The following DNAH17 variants were observed in gnomAD, a reference collection of about 807,000 sequenced individuals.
The protein encoded by DNAH17 is axonemal beta dynein heavy chain 17.
DNAH17 carries 376 observed loss-of-function variants against 485.6 expected under a neutral mutation model. The ratio of observed to expected loss-of-function variants is 0.77; its 90% CI spans 0.71 to 0.84. DNAH17 has a LOEUF of 0.84. DNAH17 is among the 40% of genes least tolerant of loss of function. The pLI is 0.00. For missense variants in DNAH17, 6,370 were observed against 5,839.3 expected (o/e 1.09, Z -2.96); for synonymous variants, 3,031 against 2,405.9 (o/e 1.26, Z -7.60).
At chr17:78,447,974 C>G (rs2087382038) in intron 69 of DNAH17, among the ~76,000 whole-genome samples, 1 of 152,042 alleles carries the variant, frequency 6.6e-6, no homozygotes, top group Non-Finnish European at 1.5e-5. Context: ...GAGTTCGAGA[C>G]CAGCCTGACC....
intron 44 of DNAH17, among the ~76,000 whole-genome samples, chr17:78,489,841 G>A (rs1044757893): frequency 2.6e-5 from 4 of 151,056 alleles, no homozygotes; most frequent in African/African-American, 7.3e-5. Context: ...GTGAATGGAT[G>A]GGTGAGTGGG....
chr17:78,500,057 G>C (rs554071496), intron 36 of DNAH17: 1 of 458,440 alleles, frequency 2.2e-6, no homozygotes, highest in Non-Finnish European at 3.9e-6. Flanking sequence ...ATTGAGAGAG[G>C]GTCACCTCCA....
In DNAH17 at chr17:78,525,982, G is replaced by A. The variant is rs865876698; in HGVS notation, c.3711+669C>T. ...GCCTGTGAGGCGGAGGTGCAGGTGGGGCCGACCCAGCAGTACCTGGGCACC... is the reference window on the plus strand; with the variant it reads ...GCCTGTGAGGCGGAGGTGCAGGTGGAGCCGACCCAGCAGTACCTGGGCACC... On this transcript the variant is annotated intron_variant, in intron 24 of 80. Coordinates refer to ENST00000389840, the MANE Select transcript of DNAH17 (RefSeq NM_173628.4). 5.3e-5 allele frequency among the ~76,000 whole-genome samples: 8 copies of A among 152,364 alleles called. No homozygotes were observed. The South Asian group carries it at 6.2e-4, about 12-fold the overall frequency.
At chr17:78,560,993 G>T in intron 12 of DNAH17, 58 bp from the exon 13 acceptor site, 1 of 1,484,490 alleles carries the variant, frequency 6.7e-7, no homozygotes, top group Non-Finnish European at 9.1e-7. Flanking sequence ...GGTGTCTTCG[G>T]CACGTCCCAT....
intron 69 of DNAH17, among the ~76,000 whole-genome samples, chr17:78,446,428 G>C (rs955197895): frequency 6.6e-6 from 1 of 151,980 alleles, no homozygotes; most frequent in South Asian, 2.1e-4. Context: ...GACATGCCCC[G>C]TTTGCATCTG....
rs767502246 is a variant in DNAH17, at chr17:78,526,752, T to C, written c.3625-15A>G. On this transcript the variant is annotated splice_polypyrimidine_tract_variant and intron_variant, in intron 23 of 80. Transcript: ENST00000389840. ...TGTTGCTTGAGCTGCGAGAGAAGAG[T>C]GCAAAGTACAGAGAGTCACGGGGCG... 6.3e-7 allele frequency: 1 copy of C among 1,598,752 alleles called. No homozygotes were observed. Among genetic ancestry groups the C allele is most frequent in the Non-Finnish European group, 8.6e-7 (1 of 1,169,540 alleles).
chr17:78,492,676 C>G lies in DNAH17; in HGVS notation c.6498G>C (p.Glu2166Asp). Reference protein sequence around the residue: ...DLDPKAVTCDELFGIINPVTR... With the variant: ...DLDPKAVTCDDLFGIINPVTR... Reference sequence around the variant, plus strand: ...TCACTGGGTTGATGATGCCAAAGAGCTCGTCGCAGGTGACGGCCTTGGGGT... The same window carrying G: ...TCACTGGGTTGATGATGCCAAAGAGGTCGTCGCAGGTGACGGCCTTGGGGT... The change falls in exon 42 of 81, where the codon GAG (glutamate) becomes GAC (aspartate). Residue 2166 changes from glutamate (E) to aspartate (D), a missense_variant. Glu to Asp is a conservative substitution (Grantham distance 45, BLOSUM62 2). Transcript: ENST00000389840. 1 of 1,613,668 alleles carries G rather than the reference C, an allele frequency of 6.2e-7. No individual in the cohort carries two copies. Among genetic ancestry groups the G allele is most frequent in the Non-Finnish European group, 8.5e-7 (1 of 1,179,798 alleles).
chr17:78,526,797 G>GC, intron 23 of DNAH17, 60 bp from the exon 24 acceptor site: 2 of 1,562,166 alleles, frequency 1.3e-6, no homozygotes, highest in Non-Finnish European at 1.7e-6. Flanking sequence ...CCCAAGGGTG[G>GC]CCCCACCCTG....
At chr17:78,474,041 A>G (rs1285809631) in intron 54 of DNAH17, among the ~76,000 whole-genome samples, 1 of 152,218 alleles carries the variant, frequency 6.6e-6, no homozygotes, top group Non-Finnish European at 1.5e-5. Flanking sequence ...GAAGGCAGAG[A>G]ACAGCCAGCC....
chr17:78,454,431 A>C (rs1298343096), intron 64 of DNAH17, 39 bp downstream of exon 64: 1 of 1,547,326 alleles, frequency 6.5e-7, no homozygotes, highest in Admixed American at 1.8e-5. Flanking sequence ...GCTTCCAAGC[A>C]GAGCCGGGCT....
At position 78,558,177 on chromosome 17, in the gene DNAH17, C is replaced by T. The variant is rs1449645279; in HGVS notation, c.2109G>A (p.Leu703=). The T allele has an allele frequency of 1.2e-6, 2 of 1,613,790 alleles. No individual in the cohort carries two copies. Among genetic ancestry groups the T allele is most frequent in the Admixed American group, 3.3e-5 (2 of 60,002 alleles). Residue 703 remains leucine, a synonymous_variant, in exon 14 of 81, where the codon CTG becomes CTA. Coordinates refer to ENST00000389840, the MANE Select transcript of DNAH17 (RefSeq NM_173628.4). ...TCCGGAAAGTTTCGTTCTCTGAGAA[C>T]AGACTCTCCGCACTGTCTGGAATCT... ...QKEIPDSAES[L]FSENETFRKF...
chr17:78,555,038 C>T lies in DNAH17; in HGVS notation c.2179-2233G>A, dbSNP rs544607105. Reference sequence around the variant, plus strand: ...CTGAGATTACAGGCATGAGCCACTGCGCCCAGCCCATTTTAGTGCTTTAAA... The same window carrying T: ...CTGAGATTACAGGCATGAGCCACTGTGCCCAGCCCATTTTAGTGCTTTAAA... On this transcript the variant is annotated intron_variant, in intron 14 of 80. Transcript: ENST00000389840. Among the ~76,000 whole-genome samples, 9 of 152,314 alleles carry T rather than the reference C, an allele frequency of 5.9e-5. 1 individual carries two copies. In the South Asian group the frequency reaches 8.3e-4, roughly 14 times the overall value.
intron 42 of DNAH17, among the ~76,000 whole-genome samples, chr17:78,492,095 G>A (rs2089884786): frequency 6.6e-6 from 1 of 152,066 alleles, no homozygotes; most frequent in African/African-American, 2.4e-5. Context: ...TAGGGTGCGG[G>A]GGACAGGCTA....
intron 56 of DNAH17, among the ~76,000 whole-genome samples, chr17:78,463,300 G>C (rs1346609095): frequency 6.6e-6 from 1 of 152,196 alleles, no homozygotes; most frequent in Admixed American, 6.5e-5. Flanking sequence ...ACACAGCAGA[G>C]CTTATTATCA....
At chr17:78,477,274 A>G (rs1161242067) in intron 51 of DNAH17, among the ~76,000 whole-genome samples, 2 of 152,298 alleles carry the variant, frequency 1.3e-5, no homozygotes, top group East Asian at 3.9e-4. Flanking sequence ...ATTGCACACT[A>G]TGGTGTATGC....
In DNAH17 at chr17:78,463,075, C is replaced by A. The variant is rs2088221356; in HGVS notation, c.8943G>T (p.Trp2981Cys). The change falls in exon 57 of 81, where the codon TGG (tryptophan) becomes TGT (cysteine). Residue 2981 changes from tryptophan (W) to cysteine (C), a missense_variant and splice_region_variant. By Grantham distance (215) the Trp-to-Cys change is radical. Coordinates refer to ENST00000389840, the MANE Select transcript of DNAH17 (RefSeq NM_173628.4). ...RFLEETEGIPWEVKASISFFM... is the reference protein window; with the variant it reads ...RFLEETEGIPCEVKASISFFM... Reference sequence around the variant, plus strand: ...AGAAGCTGATGGAGGCCTTGACTTCCCACTACAAAGATGAGACAGCCAGTC... The same window carrying A: ...AGAAGCTGATGGAGGCCTTGACTTCACACTACAAAGATGAGACAGCCAGTC... 6.2e-7 allele frequency: 1 copy of A among 1,613,610 alleles called. No individual in the cohort carries two copies. Among genetic ancestry groups the A allele is most frequent in the Non-Finnish European group, 8.5e-7 (1 of 1,179,682 alleles).
rs1272826683 is a variant in DNAH17, at chr17:78,502,016, C to T, written c.5191-143G>A. The T allele has an allele frequency of 3.3e-6, 4 of 1,207,146 alleles. No individual in the cohort carries two copies. In the South Asian group the frequency reaches 5.8e-5, roughly 17 times the overall value. 74.8% of individuals were successfully genotyped at this position (1,207,146 alleles called of 1,614,324 possible). A position where few individuals can be genotyped will look rare whatever the true frequency, so the allele number is the denominator to read the frequency against. ...GAAAAACAAGAGCGCCCTCGGTAGG[C>T]CCCAGCCAGGCACTGGTTTCACCAG... On this transcript the variant is annotated intron_variant, in intron 33 of 80. Coordinates refer to ENST00000389840, the MANE Select transcript of DNAH17 (RefSeq NM_173628.4).
chr17:78,506,869 A>G, intron 29 of DNAH17, 23 bp from the exon 30 acceptor site: 1 of 1,613,752 alleles, frequency 6.2e-7, no homozygotes, highest in Non-Finnish European at 8.5e-7. Flanking sequence ...AAGGAAGTAG[A>G]GGAGGCCGGT....
intron 51 of DNAH17, 72 bp downstream of exon 51, chr17:78,478,953 G>T: frequency 1.5e-6 from 2 of 1,295,636 alleles, no homozygotes; most frequent in East Asian, 2.3e-5. Flanking sequence ...TGAGAGCTGT[G>T]ATGAGGAAAG....
Sources: gnomAD v4.1 joint callset for allele counts (sites outside exome capture counted in the v4.1 genomes callset) on GRCh38, gnomAD v4.1.1 for gene constraint, MANE v1.5 for transcripts, NCBI Gene and HGNC (gene_info 2026-07-23, HGNC 2026-07-21) for gene names.